The following MDGA2 variants were observed in gnomAD, a reference collection of about 807,000 sequenced individuals.
MDGA2 encodes the protein MAM domain-containing glycosylphosphatidylinositol anchor protein 2.
Under a neutral mutation model 117.8 loss-of-function variants are expected in MDGA2, and 40 were observed. The observed-to-expected ratio is 0.34, with a 90% CI of 0.26 to 0.44. The LOEUF (loss-of-function observed/expected upper bound fraction) is 0.44. Ranked by LOEUF, MDGA2 falls within the 20% of genes least tolerant of loss-of-function variation. The pLI is 1.00. For missense variants in MDGA2, 1,123 were observed against 1,250.6 expected, an observed-to-expected ratio of 0.90 and a Z score of 1.54; for synonymous variants, 452 against 439.0, an observed-to-expected ratio of 1.03 and a Z score of -0.37.
intron 1 of MDGA2, among the ~76,000 whole-genome samples, chr14:47,561,152 T>TTTTGG (rs770132333): frequency 5.8e-5 from 5 of 86,008 alleles, no homozygotes; most frequent in Non-Finnish European, 9.6e-5. Context: ...TTTTTTTTTT[T>TTTTGG]GTTTTGTTTT....
rs536096607 is a variant in MDGA2, at chr14:47,170,306, T to C, written c.596-26032A>G. Among the ~76,000 whole-genome samples, 6 of 152,288 alleles carry C rather than the reference T, an allele frequency of 3.9e-5. No individual in the cohort carries two copies. The South Asian group carries it at 1.0e-3, about 26-fold the overall frequency. ...TAAGAAATTGTTTGAAATTTTGAAA[T>C]GCTTACTTGAAACAACTGATAATGA... is the stretch of plus-strand genomic sequence containing the variant. On this transcript the variant is annotated intron_variant, in intron 3 of 16. Transcript: ENST00000399232.
intron 1 of MDGA2, among the ~76,000 whole-genome samples, chr14:47,527,973 A>C (rs1287470853): frequency 6.6e-6 from 1 of 152,232 alleles, no homozygotes; most frequent in Admixed American, 6.5e-5. Context: ...GCAAGGAGTA[A>C]ACAGAAGGCA....
chr14:46,929,663 T>C (rs1459108723), intron 9 of MDGA2, among the ~76,000 whole-genome samples: 1 of 85,766 alleles, frequency 1.2e-5, no homozygotes, highest in Non-Finnish European at 2.1e-5. Context: ...TTTTTTTTTT[T>C]TTTTCGAGAT....
At chr14:47,499,925 T>C (rs1430084445) in intron 1 of MDGA2, among the ~76,000 whole-genome samples, 1 of 152,182 alleles carries the variant, frequency 6.6e-6, no homozygotes, top group Non-Finnish European at 1.5e-5. Context: ...TATATGTGTC[T>C]ATATTTAATT....
intron 1 of MDGA2, among the ~76,000 whole-genome samples, chr14:47,590,422 TA>T (rs1298757353): frequency 6.6e-6 from 1 of 151,578 alleles, no homozygotes; most frequent in Non-Finnish European, 1.5e-5. Flanking sequence ...ACATTCAAGG[TA>T]GAGGGAAAGG....
intron 5 of MDGA2, among the ~76,000 whole-genome samples, chr14:47,108,345 C>A (rs930867609): frequency 1.3e-5 from 2 of 152,166 alleles, no homozygotes; most frequent in African/African-American, 2.4e-5. Flanking sequence ...GCCAAGCCAT[C>A]GCATCCCCTG....
At chr14:47,401,304 G>C (rs1892143411) in intron 1 of MDGA2, among the ~76,000 whole-genome samples, 1 of 152,114 alleles carries the variant, frequency 6.6e-6, no homozygotes, top group Non-Finnish European at 1.5e-5. Context: ...AGTGTCTTTA[G>C]GGAAGATGAC....
chr14:47,228,463 A>C (rs1263073204), intron 2 of MDGA2, among the ~76,000 whole-genome samples: 2 of 152,316 alleles, frequency 1.3e-5, no homozygotes, highest in East Asian at 3.9e-4. Flanking sequence ...AATAAATTAC[A>C]GTAGATACTC....
chr14:47,587,375 A>C (rs1896345176), intron 1 of MDGA2, among the ~76,000 whole-genome samples: 1 of 151,924 alleles, frequency 6.6e-6, no homozygotes, highest in South Asian at 2.1e-4. Context: ...AAACATATTC[A>C]TGTTAAAATT....
At chr14:47,099,274 T>G (rs1465879824) in intron 5 of MDGA2, among the ~76,000 whole-genome samples, 7 of 151,954 alleles carry the variant, frequency 4.6e-5, no homozygotes, top group African/African-American at 7.2e-5. Flanking sequence ...ACTTTTTATT[T>G]CATAAATATC....
At position 46,868,561 on chromosome 14, in the gene MDGA2, G is replaced by A. The variant is rs1475140172; in HGVS notation, c.2752+4872C>T. Among the ~76,000 whole-genome samples, 6 of 152,088 alleles carry A rather than the reference G, an allele frequency of 3.9e-5. No individual in the cohort carries two copies. The East Asian group carries it at 9.7e-4, about 25-fold the overall frequency. On this transcript the variant is annotated intron_variant, in intron 14 of 16. Transcript: ENST00000399232. The stretch of plus-strand genomic sequence containing the variant: ...GAGGGGCATATATCCTTGAGGTCCT[G>A]TTACTGCTTTTAGAGAAAGATCTTT...
At chr14:46,860,341 C>T (rs1013309880) in intron 14 of MDGA2, among the ~76,000 whole-genome samples, 20 of 151,962 alleles carry the variant, frequency 1.3e-4, no homozygotes, top group African/African-American at 4.8e-4. Flanking sequence ...CTCTATTCCT[C>T]TATTGATGTG....
At chr14:47,332,853 CTA>C (rs915058295) in intron 1 of MDGA2, among the ~76,000 whole-genome samples, 18 of 151,838 alleles carry the variant, frequency 1.2e-4, no homozygotes, top group Non-Finnish European at 2.1e-4. Flanking sequence ...ATTTTATGCT[CTA>C]TGTCCATGTG....
intron 2 of MDGA2, among the ~76,000 whole-genome samples, chr14:47,294,555 C>T (rs114343036): frequency 0.092 from 13,875 of 151,042 alleles, 769 homozygotes; most frequent in Non-Finnish European, 0.11. Context: ...TTATCACAGA[C>T]GAAAAAAAGC....
intron 1 of MDGA2, among the ~76,000 whole-genome samples, chr14:47,617,233 G>T (rs1896962754): frequency 6.6e-6 from 1 of 151,138 alleles, no homozygotes; most frequent in African/African-American, 2.4e-5. Flanking sequence ...TGAGACGGAG[G>T]CTCGCTCTGT....
chr14:47,276,383 T>C (rs559864869), intron 2 of MDGA2, among the ~76,000 whole-genome samples: 15 of 152,292 alleles, frequency 9.8e-5, no homozygotes, highest in African/African-American at 3.6e-4. Context: ...TAAATACTTG[T>C]GCAAATACCT....
intron 3 of MDGA2, among the ~76,000 whole-genome samples, chr14:47,178,508 A>G (rs1884568203): frequency 6.6e-6 from 1 of 152,150 alleles, no homozygotes; most frequent in Non-Finnish European, 1.5e-5. Context: ...ATTTTCTTTA[A>G]GAGTTTTACA....
intron 8 of MDGA2, among the ~76,000 whole-genome samples, chr14:47,023,205 A>AAAAAAAAG (rs1888354322): frequency 6.8e-6 from 1 of 146,440 alleles, no homozygotes; most frequent in Non-Finnish European, 1.5e-5. Flanking sequence ...TCGTAAAAAA[A>AAAAAAAAG]AAAAAAAAAA....
intron 1 of MDGA2, among the ~76,000 whole-genome samples, chr14:47,432,125 T>C (rs1018975987): frequency 1.4e-5 from 2 of 147,252 alleles, no homozygotes; most frequent in African/African-American, 5.0e-5. Flanking sequence ...GCTGTGCACA[T>C]ATCAAGCTCT....
Sources: gnomAD v4.1 joint callset for allele counts (sites outside exome capture counted in the v4.1 genomes callset) on GRCh38, gnomAD v4.1.1 for gene constraint, MANE v1.5 for transcripts, NCBI Gene and HGNC (gene_info 2026-07-23, HGNC 2026-07-21) for gene names.